The following LDB2 variants were observed in gnomAD, a reference collection of about 807,000 sequenced individuals.
The protein encoded by LDB2 is LIM domain binding 2, also known as LIM domain-binding protein 2.
LDB2 carries 12 observed loss-of-function variants against 44.3 expected under a neutral mutation model. That is an observed-to-expected ratio of 0.27 (90% confidence interval 0.17 to 0.44). LDB2 has a LOEUF of 0.44. Ranked by LOEUF, LDB2 falls within the 20% of genes least tolerant of loss-of-function variation. LDB2 has a pLI of 1.00. For missense variants in LDB2, 344 were observed against 473.5 expected (o/e 0.73, Z 2.54); for synonymous variants, 164 against 174.8 (o/e 0.94, Z 0.49).
chr4:16,890,383 C>T (rs1463500370), intron 1 of LDB2, among the ~76,000 whole-genome samples: 1 of 152,158 alleles, frequency 6.6e-6, no homozygotes, highest in Non-Finnish European at 1.5e-5. Context: ...AAGAGGCCGT[C>T]CTGATTCCAA....
intron 2 of LDB2, among the ~76,000 whole-genome samples, chr4:16,637,943 T>G (rs1734056947): frequency 6.6e-6 from 1 of 152,220 alleles, no homozygotes; most frequent in Admixed American, 6.5e-5. Flanking sequence ...GCTCTGCCAC[T>G]TGCCAGCAGG....
chr4:16,711,677 T>A (rs1043971409), intron 2 of LDB2, among the ~76,000 whole-genome samples: 1 of 152,152 alleles, frequency 6.6e-6, no homozygotes, highest in East Asian at 1.9e-4. Flanking sequence ...GTTAAGGACC[T>A]GATTTCAAAA....
At chr4:16,749,119 A>C (rs1764937426) in intron 2 of LDB2, among the ~76,000 whole-genome samples, 1 of 152,194 alleles carries the variant, frequency 6.6e-6, no homozygotes, top group South Asian at 2.1e-4. Flanking sequence ...ATTGCTGAGA[A>C]TTACTTATTC....
chr4:16,820,458 T>TATAGAGGGGG (rs1255776417), intron 1 of LDB2, among the ~76,000 whole-genome samples: 3 of 151,962 alleles, frequency 2.0e-5, no homozygotes, highest in Non-Finnish European at 2.9e-5. Context: ...TGATAAGTGT[T>TATAGAGGGGG]ATAGAGGGGG....
chr4:16,628,406 A>C (rs1434467130), intron 2 of LDB2, among the ~76,000 whole-genome samples: 1 of 152,082 alleles, frequency 6.6e-6, no homozygotes, highest in Non-Finnish European at 1.5e-5. Flanking sequence ...TTCAGCTCCT[A>C]CAGAGGGCCC....
At chr4:16,578,078 A>C (rs1436009638) in intron 5 of LDB2, among the ~76,000 whole-genome samples, 1 of 152,164 alleles carries the variant, frequency 6.6e-6, no homozygotes, top group Non-Finnish European at 1.5e-5. Flanking sequence ...ATGGATTATA[A>C]AATTAAATTT....
chr4:16,860,103 C>T (rs1469741487), intron 1 of LDB2, among the ~76,000 whole-genome samples: 1 of 152,114 alleles, frequency 6.6e-6, no homozygotes, highest in Non-Finnish European at 1.5e-5. Context: ...CCTAACCTGG[C>T]CAAAAGAGTA....
At chr4:16,831,059 T>C (rs189141460) in intron 1 of LDB2, among the ~76,000 whole-genome samples, 1 of 152,168 alleles carries the variant, frequency 6.6e-6, no homozygotes. Flanking sequence ...CAAGCACCTC[T>C]AGGCAATGGG....
At chr4:16,551,550 C>T (rs1737676667) in intron 5 of LDB2, among the ~76,000 whole-genome samples, 1 of 152,122 alleles carries the variant, frequency 6.6e-6, no homozygotes, top group Non-Finnish European at 1.5e-5. Context: ...CGGAGTCTCA[C>T]TCTGTTGCCC....
At chr4:16,503,053 C>T in intron 7 of LDB2, 180 bp from the exon 8 acceptor site, 1 of 1,540,806 alleles carries the variant, frequency 6.5e-7, no homozygotes, top group South Asian at 1.2e-5. Context: ...ATAAACATCG[C>T]CTCCTGATGT....
chr4:16,806,484 G>C (rs1463206371), intron 1 of LDB2, among the ~76,000 whole-genome samples: 2 of 152,224 alleles, frequency 1.3e-5, no homozygotes, highest in Non-Finnish European at 2.9e-5. Context: ...CACTGAAAGG[G>C]ACAAGTGGAC....
At chr4:16,530,867 T>C (rs1420091599) in intron 5 of LDB2, among the ~76,000 whole-genome samples, 1 of 152,204 alleles carries the variant, frequency 6.6e-6, no homozygotes, top group African/African-American at 2.4e-5. Context: ...GCTCTACGAC[T>C]TGGGTAATTT....
At chr4:16,566,081 AC>A (rs1334158036) in intron 5 of LDB2, among the ~76,000 whole-genome samples, 1 of 152,064 alleles carries the variant, frequency 6.6e-6, no homozygotes, top group East Asian at 1.9e-4. Context: ...GAACAGAAAG[AC>A]AAAACATCAT....
At chr4:16,631,913 A>G (rs1732067723) in intron 2 of LDB2, among the ~76,000 whole-genome samples, 1 of 152,208 alleles carries the variant, frequency 6.6e-6, no homozygotes, top group African/African-American at 2.4e-5. Context: ...GAATAGACCA[A>G]TAACAAGTTC....
At chr4:16,605,888 C>A (rs915624810) in intron 2 of LDB2, among the ~76,000 whole-genome samples, 1 of 152,138 alleles carries the variant, frequency 6.6e-6, no homozygotes, top group Non-Finnish European at 1.5e-5. Context: ...GGAACTGCCA[C>A]ATTTGGGGAG....
intron 5 of LDB2, among the ~76,000 whole-genome samples, chr4:16,546,603 C>T (rs1038972985): frequency 1.3e-5 from 2 of 152,180 alleles, no homozygotes; most frequent in Non-Finnish European, 2.9e-5. Flanking sequence ...TATGACAGCA[C>T]TGGCCACCAG....
rs1293848246 is a variant in LDB2 at position 16,895,072 on chromosome 4, G to A, written c.132+3282C>T. On this transcript the variant is annotated intron_variant, in intron 1 of 7. Transcript: ENST00000304523. ...TGTGATTTTGAACTAAATACCATGA[G>A]CAAAGAAATAATGTCTGCACTCTTT... 1.3e-4 allele frequency among the ~76,000 whole-genome samples: 18 copies of A among 137,512 alleles called. No individual in the cohort carries two copies. The Admixed American group carries it at 1.3e-3, about 10-fold the overall frequency. 90.2% of individuals were successfully genotyped at this position (137,512 alleles called of 152,430 possible). A position where few individuals can be genotyped will look rare whatever the true frequency, so the allele number is the denominator to read the frequency against.
chr4:16,580,523 CCTTAGGCATTCTTGTAA>C (rs1713962633), intron 5 of LDB2, among the ~76,000 whole-genome samples: 1 of 152,098 alleles, frequency 6.6e-6, no homozygotes, highest in Non-Finnish European at 1.5e-5. Flanking sequence ...AGAGAATGTG[CCTTAGGCATTCTTGTAA>C]ACATCCCACT....
chr4:16,894,755 T>C (rs556037582), intron 1 of LDB2, among the ~76,000 whole-genome samples: 29 of 152,278 alleles, frequency 1.9e-4, no homozygotes, highest in African/African-American at 6.5e-4. Context: ...GCATTGGTTT[T>C]CAAATTCTCT....
Sources: gnomAD v4.1 joint callset for allele counts (sites outside exome capture counted in the v4.1 genomes callset) on GRCh38, gnomAD v4.1.1 for gene constraint, MANE v1.5 for transcripts, NCBI Gene and HGNC (gene_info 2026-07-23, HGNC 2026-07-21) for gene names.